Variants in VPS16 observed in about 807,000 individuals in gnomAD.
The protein encoded by VPS16 is VPS16 core subunit of CORVET and HOPS complexes, also known as vacuolar protein sorting-associated protein 16 homolog.
A neutral mutation model predicts 116.0 loss-of-function variants in VPS16; 82 were observed. The ratio of observed to expected loss-of-function variants is 0.71; its 90% CI spans 0.59 to 0.85. VPS16 has a LOEUF of 0.85. VPS16 is among the 40% of genes least tolerant of loss of function. The pLI, the probability that VPS16 is intolerant of heterozygous loss-of-function variation, is 0.00. For missense variants in VPS16, 928 were observed against 1,090.6 expected (o/e 0.85, Z 2.10); for synonymous variants, 406 against 420.7 (o/e 0.96, Z 0.43).
At chr20:2,862,466 C>A in intron 11 of VPS16, 113 bp from the exon 12 acceptor site, 1 of 1,513,016 alleles carries the variant, frequency 6.6e-7, no homozygotes, top group Non-Finnish European at 8.8e-7. Context: ...GGGGCTCCAG[C>A]CTGTGCAGCT....
rs551230516 is a variant in VPS16 at position 2,865,431 on chromosome 20, A to G, written c.2207A>G (p.Asp736Gly). The change falls in exon 22 of 24, where the codon GAT (aspartate) becomes GGT (glycine). Residue 736 changes from aspartate to glycine, a missense_variant. Physicochemically the swap from Asp to Gly is moderately conservative, Grantham distance 94. Coordinates refer to ENST00000380445, the MANE Select transcript of VPS16 (RefSeq NM_022575.4). The surrounding 1 kb of genome is among the most constrained non-coding windows in gnomAD (Gnocchi z 5.2). ...TGGCTGAAGCTGACTGCCCTGGCAG[A>G]TTTGGAAGATTGGGAAGAGCTAGAG... ...LWWLKLTALA[D>G]LEDWEELEKF... 28 of 1,614,166 alleles carry G rather than the reference A, an allele frequency of 1.7e-5. No individual in the cohort carries two copies. The South Asian group carries it at 3.1e-4, about 18-fold the overall frequency.
rs2089219362 is a variant in VPS16 at position 2,860,783 on chromosome 20, T to A, written c.550T>A (p.Cys184Ser). ...TGCACCCTCCTGCTGGACTGTGCTG[T>A]GCCAGGACCGAGTGGCACACATTCT... Reference protein sequence around the residue: ...QSAPSCWTVLCQDRVAHILLA... With the variant: ...QSAPSCWTVLSQDRVAHILLA... Residue 184 changes from cysteine (C) to serine (S), a missense_variant, in exon 6 of 24, where the codon TGC (cysteine) becomes AGC (serine). Transcript: ENST00000380445. The surrounding 1 kb of genome is among the most constrained non-coding windows in gnomAD (Gnocchi z 6.1). 3 of 1,613,916 alleles carry A rather than the reference T, an allele frequency of 1.9e-6. No individual in the cohort carries two copies. The African/African-American group carries it at 4.0e-5, about 22-fold the overall frequency.
rs892270610 is a variant in VPS16 at position 2,864,942 on chromosome 20, T to C, written c.1927-36T>C. 3 of 1,613,408 alleles carry C rather than the reference T, an allele frequency of 1.9e-6. No individual in the cohort carries two copies. Among genetic ancestry groups the C allele is most frequent in the African/African-American group, 2.7e-5 (2 of 74,894 alleles). ...GGGTGAGGAGGGCGAGGGTCCTGCA[T>C]GCTGTGAGTTCAGGCCTTCCTTCTT... On this transcript the variant is annotated intron_variant, in intron 19 of 23. Transcript: ENST00000380445. This position sits in a 1 kb window ranked among gnomAD's most constrained non-coding sequence, Gnocchi z 5.2.
At chr20:2,862,537 T>C (rs1025949507) in intron 11 of VPS16, 42 bp from the exon 12 acceptor site, 3 of 1,598,298 alleles carry the variant, frequency 1.9e-6, no homozygotes, top group Non-Finnish European at 2.6e-6. Flanking sequence ...TGTGGGAGTG[T>C]TCTCTGTCAT....
chr20:2,863,064 G>A lies in VPS16; in HGVS notation c.1332-1G>A, dbSNP rs373116713. The A allele has an allele frequency of 6.2e-7, 1 of 1,614,102 alleles. No homozygotes were observed. Among genetic ancestry groups the A allele is most frequent in the Non-Finnish European group, 8.5e-7 (1 of 1,180,036 alleles). Reference sequence around the variant, plus strand: ...TGGATCCTTAACCGAGGAAAATACAGATATAAGCAGCTCACCATCCAGGTG... The same window carrying A: ...TGGATCCTTAACCGAGGAAAATACAAATATAAGCAGCTCACCATCCAGGTG... On this transcript the variant is annotated splice_acceptor_variant, in intron 13 of 23. Transcript: ENST00000380445. LOFTEE classifies it high-confidence loss of function. This position sits in a 1 kb window ranked among gnomAD's most constrained non-coding sequence, Gnocchi z 4.4.
intron 1 of VPS16, among the ~76,000 whole-genome samples, chr20:2,849,243 A>G (rs1450393240): frequency 2.0e-5 from 3 of 152,160 alleles, no homozygotes; most frequent in African/African-American, 7.2e-5. Context: ...AACAACTCAC[A>G]CAAATTTGTG....
At chr20:2,850,555 G>T (rs1219409599) in intron 1 of VPS16, among the ~76,000 whole-genome samples, 2 of 152,076 alleles carry the variant, frequency 1.3e-5, no homozygotes, top group African/African-American at 4.8e-5. Flanking sequence ...GAACCTGGGA[G>T]GTGGAGGTTG....
chr20:2,864,901 G>A lies in VPS16; in HGVS notation c.1927-77G>A. On this transcript the variant is annotated intron_variant, in intron 19 of 23. Coordinates refer to ENST00000380445, the MANE Select transcript of VPS16 (RefSeq NM_022575.4). The surrounding 1 kb of genome is among the most constrained non-coding windows in gnomAD (Gnocchi z 5.2). ...GGCGACCCTGGGCACAGGGATGGGG[G>A]AGAAGACTGTAGCCTGGGTGAGGAG... 6.3e-7 allele frequency: 1 copy of A among 1,590,904 alleles called. No homozygotes were observed. The highest frequency in any genetic ancestry group is 8.6e-7 in the Non-Finnish European group (1 of 1,161,062).
chr20:2,850,632 A>G (rs527425686), intron 1 of VPS16, among the ~76,000 whole-genome samples: 1 of 152,214 alleles, frequency 6.6e-6, no homozygotes, highest in African/African-American at 2.4e-5. Context: ...CTCCAAAGAA[A>G]AGAAAAAGAA....
intron 1 of VPS16, among the ~76,000 whole-genome samples, chr20:2,843,389 A>C (rs2089028977): frequency 6.6e-6 from 1 of 151,734 alleles, no homozygotes; most frequent in South Asian, 2.1e-4. Flanking sequence ...CCAAGATCGC[A>C]CCACTGTACT....
Position 2,864,235 on chromosome 20 carries a change from G to T in VPS16, c.1668G>T (p.Lys556Asn). Residue 556 changes from lysine to asparagine, a missense_variant, in exon 17 of 24, where the codon AAG (lysine) becomes AAT (asparagine). Transcript: ENST00000380445. The surrounding 1 kb of genome is among the most constrained non-coding windows in gnomAD (Gnocchi z 5.2). ...GEQVPLLLKM[K>N]RSKLALSKAI... ...AGGTACCCCTTCTCCTAAAGATGAAGAGGAGCAAACTGGCACTAAGCAAGG... is the reference window on the plus strand; with the variant it reads ...AGGTACCCCTTCTCCTAAAGATGAATAGGAGCAAACTGGCACTAAGCAAGG... 5 of 1,614,228 alleles carry T rather than the reference G, an allele frequency of 3.1e-6. No homozygotes were observed. Among genetic ancestry groups the T allele is most frequent in the East Asian group, 2.2e-5 (1 of 44,884 alleles).
chr20:2,864,226 A>G lies in VPS16; in HGVS notation c.1659A>G (p.Leu553=). ...PRSGEQVPLL[L]KMKRSKLALS... ...CAGGGGAGCAGGTACCCCTTCTCCT[A>G]AAGATGAAGAGGAGCAAACTGGCAC... The change falls in exon 17 of 24, where the codon CTA becomes CTG. Residue 553 remains leucine, a synonymous_variant. Coordinates refer to ENST00000380445, the MANE Select transcript of VPS16 (RefSeq NM_022575.4). This position sits in a 1 kb window ranked among gnomAD's most constrained non-coding sequence, Gnocchi z 5.2. 1 of 1,614,188 alleles carries G rather than the reference A, an allele frequency of 6.2e-7. No homozygotes were observed.
At chr20:2,853,648 C>T (rs1171827470) in intron 1 of VPS16, among the ~76,000 whole-genome samples, 2 of 152,082 alleles carry the variant, frequency 1.3e-5, no homozygotes, top group African/African-American at 4.8e-5. Flanking sequence ...GACCTCCTCT[C>T]ATGAATCATA....
intron 1 of VPS16, among the ~76,000 whole-genome samples, chr20:2,844,896 G>C (rs947886061): frequency 6.6e-6 from 1 of 152,094 alleles, no homozygotes; most frequent in African/African-American, 2.4e-5. Context: ...GATGCCCTTC[G>C]TGTAGGGGTC....
Position 2,860,025 on chromosome 20 carries a change from A to G in VPS16, c.143-29A>G. On this transcript the variant is annotated intron_variant, in intron 2 of 23. Transcript: ENST00000380445. The surrounding 1 kb of genome is among the most constrained non-coding windows in gnomAD (Gnocchi z 6.1). ...TCACATGGGGTGGGCCTAGGGAGCT[A>G]GGACAGAAGGTCTCTTCTCAAACTG... 6.2e-7 allele frequency: 1 copy of G among 1,613,456 alleles called. No individual in the cohort carries two copies. Among genetic ancestry groups the G allele is most frequent in the Non-Finnish European group, 8.5e-7 (1 of 1,179,726 alleles).
chr20:2,855,557 G>T (rs1409713398), intron 1 of VPS16, among the ~76,000 whole-genome samples: 2 of 152,172 alleles, frequency 1.3e-5, no homozygotes, highest in Non-Finnish European at 2.9e-5. Flanking sequence ...CTTCTTTCTA[G>T]CTATGAAAGG....
chr20:2,866,539 AT>A lies in VPS16; in HGVS notation c.2487del (p.Gln830AsnfsTer25). 6.2e-7 allele frequency: 1 copy of A among 1,614,164 alleles called. No homozygotes were observed. The highest frequency in any genetic ancestry group is 8.5e-7 in the Non-Finnish European group (1 of 1,180,016). On this transcript the variant is annotated frameshift_variant, in exon 24 of 24. Coordinates refer to ENST00000380445, the MANE Select transcript of VPS16 (RefSeq NM_022575.4). LOFTEE classifies it high-confidence loss of function. ...CACAGATGGGGCCACAGCTGACAAG[AT>A]TCAACGGGCCAGGGCACAAGCCCAG... is the stretch of plus-strand genomic sequence containing the variant. ...GATDGATADK[I>X]QRARAQAQKK
At chr20:2,850,308 G>T (rs1401794504) in intron 1 of VPS16, among the ~76,000 whole-genome samples, 1 of 151,866 alleles carries the variant, frequency 6.6e-6, no homozygotes, top group East Asian at 1.9e-4. Flanking sequence ...TGGGCAACAA[G>T]AGCGAAACTC....
chr20:2,858,563 C>G (rs1301197035), intron 1 of VPS16, among the ~76,000 whole-genome samples: 1 of 151,984 alleles, frequency 6.6e-6, no homozygotes, highest in Non-Finnish European at 1.5e-5. Flanking sequence ...GGGCATATTC[C>G]TGATCATTAA....
Sources: gnomAD v4.1 joint callset for allele counts (sites outside exome capture counted in the v4.1 genomes callset) on GRCh38, gnomAD v4.1.1 for gene constraint, Gnocchi (gnomAD v3.1) non-coding constraint, MANE v1.5 for transcripts, NCBI Gene and HGNC (gene_info 2026-07-23, HGNC 2026-07-21) for gene names.